RO60: variants seen among roughly 807,000 people sequenced by gnomAD.
RO60 encodes the protein RNA-binding protein RO60.
A neutral mutation model predicts 55.3 loss-of-function variants in RO60; 20 were observed. That is an observed-to-expected ratio of 0.36 (90% CI 0.25 to 0.53). The LOEUF (loss-of-function observed/expected upper bound fraction) is 0.53. Ranked by LOEUF, RO60 falls within the 20% of genes least tolerant of loss-of-function variation. The pLI, the probability that RO60 is intolerant of heterozygous loss-of-function variation, is 0.92. For missense variants in RO60, 558 were observed against 646.6 expected (o/e 0.86, Z 1.49); for synonymous variants, 213 against 213.6 (o/e 1.00, Z 0.02).
Position 193,076,006 on chromosome 1 carries a change from A to G in RO60, c.767A>G (p.Glu256Gly). The G allele has an allele frequency of 5.0e-6, 8 of 1,609,652 alleles. No homozygotes were observed. The highest frequency in any genetic ancestry group is 1.1e-5 in the South Asian group (1 of 90,316). The change falls in exon 3 of 9, where the codon GAA becomes GGA. Residue 256 changes from glutamate (E) to glycine (G), a missense_variant. Glu to Gly is a moderately conservative substitution (Grantham distance 98). Transcript: ENST00000400968. ...ATAGAAGAACATAGATTAGTTAGAG[A>G]ACATCTTTTAACAAATCACTTAAAG... ...HLIEEHRLVR[E>G]HLLTNHLKSK...
rs145381922 is a variant in RO60 at position 193,085,312 on chromosome 1, T to C, written c.*581T>C. 1.1e-4 allele frequency: 114 copies of C among 1,048,388 alleles called. 2 individuals carry two copies. The East Asian group carries it at 7.9e-3, about 73-fold the overall frequency. The allele number at this position is 1,048,388 out of a possible 1,614,324, so 64.9% of individuals were successfully genotyped here. ...GATCACACAAATAACAGCTTTCTTA[T>C]TCAGTGAAAAAGATATTTTATTTCT... On this transcript the variant is annotated 3_prime_UTR_variant, in exon 9 of 9. Coordinates refer to ENST00000400968, the MANE Select transcript of RO60 (RefSeq NM_001173524.2).
At position 193,081,380 on chromosome 1, in the gene RO60, G is replaced by A; in HGVS notation, c.1103G>A (p.Gly368Glu). Residue 368 changes from glycine (G) to glutamate (E), a missense_variant, in exon 6 of 9, where the codon GGA becomes GAA. Coordinates refer to ENST00000400968, the MANE Select transcript of RO60 (RefSeq NM_001173524.2). ...YKTFKTVEPTGKRFLLAVDVS... is the reference protein window; with the variant it reads ...YKTFKTVEPTEKRFLLAVDVS... ...TCTCTGTAGACAGTTGAACCAACTG[G>A]AAAACGTTTCTTACTAGCTGTTGAT... 2 of 1,603,242 alleles carry A rather than the reference G, an allele frequency of 1.2e-6. No homozygotes were observed. The highest frequency in any genetic ancestry group is 1.7e-6 in the Non-Finnish European group (2 of 1,172,594).
chr1:193,082,614 C>CA lies in RO60; in HGVS notation c.1373dup (p.Asn458LysfsTer5). The CA allele has an allele frequency of 6.2e-7, 1 of 1,613,978 alleles. No homozygotes were observed. Among genetic ancestry groups the CA allele is most frequent in the Non-Finnish European group, 8.5e-7 (1 of 1,179,970 alleles). Reference sequence around the variant, plus strand: ...CTTCCAATGATCTGGGCTCAGAAGACAAACACACCTGCTGATGTCTTCATT... The same window carrying CA: ...CTTCCAATGATCTGGGCTCAGAAGACAAAACACACCTGCTGATGTCTTCATT... On this transcript the variant is annotated frameshift_variant, in exon 8 of 9. Transcript: ENST00000400968. LOFTEE classifies it high-confidence loss of function.
chr1:193,091,610 A>T (rs1337352316), downstream of RO60: 1 of 1,533,676 alleles, frequency 6.5e-7, no homozygotes, highest in East Asian at 2.3e-5. Context: ...ATGATAAAAC[A>T]GTTTTCACTG....
At chr1:193,061,857 G>A (rs527416211) in intron 1 of RO60, among the ~76,000 whole-genome samples, 3 of 152,060 alleles carry the variant, frequency 2.0e-5, no homozygotes, top group South Asian at 2.1e-4. Context: ...GGTGGCAGGC[G>A]CCTGTAATCC....
At chr1:193,082,324 T>C (rs549290753) in intron 7 of RO60, 25 bp downstream of exon 7, 1 of 1,520,538 alleles carries the variant, frequency 6.6e-7, no homozygotes, top group Admixed American at 1.9e-5. Context: ...TTTTTAAGTT[T>C]ACTTAGTTAA....
In RO60 at chr1:193,069,173, G is replaced by A; in HGVS notation, c.119G>A (p.Gly40Asp). Residue 40 changes from glycine to aspartate, a missense_variant, in exon 2 of 9, where the codon GGT (glycine) becomes GAT (aspartate). Gly to Asp is a moderately conservative substitution (Grantham distance 94). Transcript: ENST00000400968. ...CGACTACACCGGTTCTTATGTTTCG[G>A]TTCTGAAGGTGGGACTTATTATATC... ...MNRLHRFLCF[G>D]SEGGTYYIKE... 1 of 1,614,218 alleles carries A rather than the reference G, an allele frequency of 6.2e-7. No individual in the cohort carries two copies. The highest frequency in any genetic ancestry group is 8.5e-7 in the Non-Finnish European group (1 of 1,180,046).
chr1:193,077,913 GTAGA>G (rs201229237), intron 5 of RO60, among the ~76,000 whole-genome samples: 1,937 of 152,176 alleles, frequency 0.013, 21 homozygotes, highest in South Asian at 0.034. Flanking sequence ...CCATTAATTG[GTAGA>G]TAGATCTCAT....
In RO60 at chr1:193,089,910, A is replaced by G. The variant is rs898827888; in HGVS notation, c.*5179A>G. The G allele has an allele frequency of 6.6e-6, 1 of 151,958 alleles. No individual in the cohort carries two copies. The highest frequency in any genetic ancestry group is 1.5e-5 in the Non-Finnish European group (1 of 68,048). 9.4% of individuals were successfully genotyped at this position (151,958 alleles called of 1,614,324 possible). ...AACCTCCATTTCCCAGGTTCAAGCA[A>G]TTCTCCTGCCTCAGCCTCCCAAGTA... On this transcript the variant is annotated 3_prime_UTR_variant, in exon 9 of 9. Coordinates refer to ENST00000400968, the MANE Select transcript of RO60 (RefSeq NM_001173524.2).
intron 1 of RO60, among the ~76,000 whole-genome samples, chr1:193,060,659 C>A (rs1195914039): frequency 6.6e-6 from 1 of 152,158 alleles, no homozygotes; most frequent in East Asian, 1.9e-4. Context: ...AGCAACAGAG[C>A]AGCTTTTGTA....
chr1:193,082,817 T>G (rs1572104367), intron 8 of RO60, 109 bp downstream of exon 8: 2 of 942,606 alleles, frequency 2.1e-6, no homozygotes, highest in Admixed American at 5.9e-5. Context: ...CTGGCTGGAG[T>G]GCAGTGGCTC....
At chr1:193,067,154 G>A (rs1260209312) in intron 1 of RO60, among the ~76,000 whole-genome samples, 1 of 148,132 alleles carries the variant, frequency 6.8e-6, no homozygotes, top group Non-Finnish European at 1.5e-5. Flanking sequence ...ATTTTCCTGT[G>A]ATGAGGAGAA....
rs920952705 is a variant in RO60 at position 193,085,328 on chromosome 1, T to C, written c.*597T>C. The stretch of plus-strand genomic sequence containing the variant: ...GCTTTCTTATTCAGTGAAAAAGATA[T>C]TTTATTTCTGATGTTTTATTTGCAC... On this transcript the variant is annotated 3_prime_UTR_variant, in exon 9 of 9. Transcript: ENST00000400968. 28 of 1,025,954 alleles carry C rather than the reference T, an allele frequency of 2.7e-5. No homozygotes were observed. The African/African-American group carries it at 4.4e-4, about 16-fold the overall frequency. 63.6% of individuals were successfully genotyped at this position (1,025,954 alleles called of 1,614,324 possible).
In RO60 at chr1:193,085,403, A is replaced by G. The variant is rs1478510857; in HGVS notation, c.*672A>G. 14 of 987,390 alleles carry G rather than the reference A, an allele frequency of 1.4e-5. No homozygotes were observed. The highest frequency in any genetic ancestry group is 1.7e-5 in the African/African-American group (1 of 57,178). The allele number at this position is 987,390 out of a possible 1,614,324, so 61.2% of individuals were successfully genotyped here. On this transcript the variant is annotated 3_prime_UTR_variant, in exon 9 of 9. Transcript: ENST00000400968. ...AGAAACATCATGGCAACCCCTAAGA[A>G]TAGACTAAGTTTGTGTTGGCTGAGG...
intron 2 of RO60, among the ~76,000 whole-genome samples, chr1:193,075,153 A>T (rs1160870322): frequency 6.6e-6 from 1 of 152,126 alleles, no homozygotes; most frequent in Admixed American, 6.6e-5. Flanking sequence ...GAAGTGGTGA[A>T]ACTAAGACCT....
intron 5 of RO60, among the ~76,000 whole-genome samples, chr1:193,079,869 G>A (rs535720971): frequency 6.6e-6 from 1 of 151,814 alleles, no homozygotes; most frequent in African/African-American, 2.4e-5. Context: ...GCTCACGCCT[G>A]TAATCCCAGC....
At chr1:193,063,548 GT>G (rs1672922045) in intron 1 of RO60, among the ~76,000 whole-genome samples, 1 of 152,130 alleles carries the variant, frequency 6.6e-6, no homozygotes, top group South Asian at 2.1e-4. Context: ...GGAAATACAA[GT>G]TTTAAATTTT....
chr1:193,076,424 TA>T (rs1222554829), intron 3 of RO60, 76 bp from the exon 4 acceptor site: 28 of 1,462,432 alleles, frequency 1.9e-5, no homozygotes, highest in South Asian at 1.8e-4. Context: ...GTATTATGAA[TA>T]TTTTTTTATA....
intron 1 of RO60, among the ~76,000 whole-genome samples, chr1:193,062,803 G>T (rs1443579690): frequency 6.6e-6 from 1 of 152,144 alleles, no homozygotes; most frequent in African/African-American, 2.4e-5. Flanking sequence ...TTTTGTGACT[G>T]GCTTCTTTGA....
Sources: gnomAD v4.1 joint callset for allele counts (sites outside exome capture counted in the v4.1 genomes callset) on GRCh38, gnomAD v4.1.1 for gene constraint, MANE v1.5 for transcripts, NCBI Gene and HGNC (gene_info 2026-07-23, HGNC 2026-07-21) for gene names.